The following CDK14 variants were observed in gnomAD, a reference collection of about 807,000 sequenced individuals.
The protein encoded by CDK14 is cyclin-dependent kinase 14.
In CDK14, 34 loss-of-function variants were observed where a neutral mutation model predicts 60.7. The observed-to-expected ratio is 0.56, with a 90% CI of 0.43 to 0.75. CDK14 has a LOEUF of 0.75. CDK14 is among the 30% of genes least tolerant of loss of function. The pLI is 0.00. For missense variants in CDK14, 482 were observed against 564.1 expected, an observed-to-expected ratio of 0.85 and a Z score of 1.47; for synonymous variants, 197 against 203.7, an observed-to-expected ratio of 0.97 and a Z score of 0.28.
At chr7:90,736,344 G>GGTTTTTTT (rs1563063351) in intron 3 of CDK14, among the ~76,000 whole-genome samples, 2 of 41,034 alleles carry the variant, frequency 4.9e-5, no homozygotes, top group African/African-American at 1.8e-4. Flanking sequence ...ACTTTATTAT[G>GGTTTTTTT]TTTTTGTTTT....
At chr7:90,925,426 A>G (rs575795085) in intron 8 of CDK14, among the ~76,000 whole-genome samples, 3 of 152,232 alleles carry the variant, frequency 2.0e-5, no homozygotes, top group South Asian at 2.1e-4. Context: ...CTGAGGCATA[A>G]GCAGAGGATG....
intron 5 of CDK14, among the ~76,000 whole-genome samples, chr7:90,832,125 C>T (rs766531845): frequency 1.3e-5 from 2 of 152,164 alleles, no homozygotes; most frequent in Non-Finnish European, 2.9e-5. Flanking sequence ...TAGTTCCAGT[C>T]ACTCTATGGC....
chr7:90,744,711 C>T (rs376074543), intron 3 of CDK14, among the ~76,000 whole-genome samples: 23,740 of 96,336 alleles, frequency 0.25, 4,104 homozygotes, highest in Middle Eastern at 0.36. Context: ...CCAGTAGGGG[C>T]GGCCGGGCAG....
At chr7:91,172,101 TG>T (rs1801538680) in intron 14 of CDK14, among the ~76,000 whole-genome samples, 1 of 152,246 alleles carries the variant, frequency 6.6e-6, no homozygotes. Context: ...TTATTGTGCT[TG>T]GGTTTATGAG....
At chr7:90,681,349 G>T (rs188604506) in intron 2 of CDK14, among the ~76,000 whole-genome samples, 1 of 152,078 alleles carries the variant, frequency 6.6e-6, no homozygotes, top group Admixed American at 6.6e-5. Flanking sequence ...TACTTAGTTC[G>T]CTTGTTTGAG....
At chr7:91,205,496 C>T (rs1193183301) in intron 14 of CDK14, among the ~76,000 whole-genome samples, 2 of 152,048 alleles carry the variant, frequency 1.3e-5, no homozygotes, top group African/African-American at 4.8e-5. Context: ...TCCATAGAGA[C>T]AGAAACATTA....
chr7:91,121,617 A>C (rs1312922831), intron 14 of CDK14, among the ~76,000 whole-genome samples: 1 of 152,236 alleles, frequency 6.6e-6, no homozygotes, highest in Non-Finnish European at 1.5e-5. Context: ...AGCAGAAAGC[A>C]ATTTTGGTTT....
chr7:90,996,499 A>C (rs989588439), intron 10 of CDK14, among the ~76,000 whole-genome samples: 1 of 152,246 alleles, frequency 6.6e-6, no homozygotes, highest in Non-Finnish European at 1.5e-5. Flanking sequence ...ATTAAGATTT[A>C]TCATAAAATA....
chr7:90,945,087 T>C (rs1185611077), intron 8 of CDK14, among the ~76,000 whole-genome samples: 1 of 152,162 alleles, frequency 6.6e-6, no homozygotes. Flanking sequence ...GGCTAGAACA[T>C]AGAAAGGGAT....
At chr7:91,039,916 A>G (rs1797041778) in intron 10 of CDK14, among the ~76,000 whole-genome samples, 1 of 152,006 alleles carries the variant, frequency 6.6e-6, no homozygotes, top group African/African-American at 2.4e-5. Context: ...GTGGGACCCC[A>G]TCTCTATAAA....
rs575072095 is a variant in CDK14 at position 90,758,272 on chromosome 7, G to C, written c.464+10497G>C. ...TGTCTTTGTCTTTCACTGTCTCTTT[G>C]TCTCTCTCTCTCTCTCTCTGTTTTT... On this transcript the variant is annotated intron_variant, in intron 4 of 14. Transcript: ENST00000380050. Among the ~76,000 whole-genome samples the C allele has an allele frequency of 2.2e-3, 328 of 149,440 alleles. 3 individuals are homozygous for C. Among genetic ancestry groups the C allele is most frequent in the African/African-American group, 7.8e-3 (317 of 40,832 alleles).
chr7:90,800,944 G>A (rs1249334848), intron 5 of CDK14, among the ~76,000 whole-genome samples: 1 of 152,100 alleles, frequency 6.6e-6, no homozygotes, highest in Non-Finnish European at 1.5e-5. Context: ...ATCTTCACAT[G>A]GTCTTCTCTC....
chr7:90,621,687 G>T (rs143296566), intron 2 of CDK14, among the ~76,000 whole-genome samples: 50 of 132,484 alleles, frequency 3.8e-4, no homozygotes, highest in East Asian at 4.3e-4. Flanking sequence ...CTGCCTTCCT[G>T]CCTTCCTTCC....
intron 14 of CDK14, among the ~76,000 whole-genome samples, chr7:91,178,957 G>C (rs1481533005): frequency 6.6e-6 from 1 of 152,080 alleles, no homozygotes; most frequent in Non-Finnish European, 1.5e-5. Flanking sequence ...CCCATTACTG[G>C]GTATATACCA....
At chr7:90,851,549 T>C (rs557448081) in intron 5 of CDK14, among the ~76,000 whole-genome samples, 1 of 152,264 alleles carries the variant, frequency 6.6e-6, no homozygotes, top group Admixed American at 6.5e-5. Context: ...CTATTGTCAA[T>C]ACCAGTCACA....
chr7:90,817,220 G>C (rs982470017), intron 5 of CDK14, among the ~76,000 whole-genome samples: 2 of 152,216 alleles, frequency 1.3e-5, no homozygotes, highest in Admixed American at 6.5e-5. Context: ...TGTGGGAAAA[G>C]TGTAGAAGTA....
intron 10 of CDK14, among the ~76,000 whole-genome samples, chr7:91,003,751 A>G (rs12540266): frequency 0.15 from 22,206 of 152,196 alleles, 1,836 homozygotes; most frequent in Middle Eastern, 0.27. Flanking sequence ...GATAATAAGG[A>G]GATTGGGAAA....
intron 14 of CDK14, among the ~76,000 whole-genome samples, chr7:91,142,498 G>A (rs1207046359): frequency 6.6e-6 from 1 of 152,206 alleles, no homozygotes; most frequent in Non-Finnish European, 1.5e-5. Context: ...AAATAGCCCA[G>A]AGGAGCCTTT....
chr7:90,837,141 C>G (rs999154299), intron 5 of CDK14, among the ~76,000 whole-genome samples: 1 of 152,100 alleles, frequency 6.6e-6, no homozygotes, highest in Non-Finnish European at 1.5e-5. Context: ...TCCCTCAGGC[C>G]TTTGGACCGT....
Sources: allele counts gnomAD v4.1 joint callset (sites outside exome capture counted in the v4.1 genomes callset), GRCh38; gene constraint gnomAD v4.1.1; transcripts MANE v1.5; gene names NCBI Gene and HGNC (gene_info 2026-07-23, HGNC 2026-07-21).